The following NHEJ1 variants were observed in gnomAD, a reference collection of about 807,000 sequenced individuals.
NHEJ1 encodes the protein non-homologous end joining factor 1.
Under a neutral mutation model 39.4 loss-of-function variants are expected in NHEJ1, and 22 were observed. The observed-to-expected ratio is 0.56, with a 90% CI of 0.40 to 0.80. The LOEUF (loss-of-function observed/expected upper bound fraction) is 0.80, where lower values mean the gene tolerates loss of function less well. Ranked by LOEUF, NHEJ1 falls within the 30% of genes least tolerant of loss-of-function variation. The probability of loss-of-function intolerance (pLI) is 0.00; values close to 1 mark genes in which losing one functional copy is unlikely to be tolerated. For missense variants in NHEJ1, 329 were observed against 357.1 expected (o/e 0.92, Z 0.63); for synonymous variants, 154 against 135.6 (o/e 1.14, Z -0.94).
At chr2:219,149,383 A>T (rs1460796869) in intron 3 of NHEJ1, among the ~76,000 whole-genome samples, 2 of 152,192 alleles carry the variant, frequency 1.3e-5, no homozygotes, top group Non-Finnish European at 2.9e-5. Flanking sequence ...TGGGAGGCCA[A>T]CGTTGGAGGA....
intron 5 of NHEJ1, among the ~76,000 whole-genome samples, chr2:219,101,405 G>A (rs954086882): frequency 3.3e-5 from 5 of 151,920 alleles, no homozygotes; most frequent in Admixed American, 6.6e-5. Context: ...GTGAGCCACC[G>A]CGCCCGGCCT....
At chr2:219,119,086 G>A (rs1016268345) in intron 5 of NHEJ1, among the ~76,000 whole-genome samples, 11 of 152,142 alleles carry the variant, frequency 7.2e-5, no homozygotes, top group African/African-American at 2.7e-4. Flanking sequence ...AGTACCTGCA[G>A]TTTAAATTAG....
intron 5 of NHEJ1, among the ~76,000 whole-genome samples, chr2:219,113,246 C>T (rs1949381708): frequency 6.6e-6 from 1 of 152,004 alleles, no homozygotes; most frequent in African/African-American, 2.4e-5. Flanking sequence ...ACCAGGTCAG[C>T]AATTCAGGAA....
intron 3 of NHEJ1, among the ~76,000 whole-genome samples, chr2:219,155,362 C>T (rs558888945): frequency 2.0e-5 from 3 of 151,844 alleles, no homozygotes; most frequent in East Asian, 1.9e-4. Flanking sequence ...GTGAGGAATT[C>T]GAGACCACCC....
chr2:219,080,504 G>A (rs1475924116), intron 5 of NHEJ1, among the ~76,000 whole-genome samples: 2 of 149,914 alleles, frequency 1.3e-5, no homozygotes, highest in African/African-American at 4.9e-5. Context: ...CAGCCTGGGC[G>A]ACAGAGCAAG....
intron 5 of NHEJ1, among the ~76,000 whole-genome samples, chr2:219,124,033 AC>A (rs1949494873): frequency 6.6e-6 from 1 of 152,172 alleles, no homozygotes; most frequent in South Asian, 2.1e-4. Flanking sequence ...GTTAGCAATA[AC>A]CCTAGCAATG....
chr2:219,098,104 T>A (rs2106331368), intron 5 of NHEJ1, among the ~76,000 whole-genome samples: 3 of 152,346 alleles, frequency 2.0e-5, no homozygotes, highest in Middle Eastern at 6.8e-3. Flanking sequence ...ATTTACTGGA[T>A]TTTGCAACGA....
At chr2:219,125,877 G>A (rs1949510195) in intron 5 of NHEJ1, among the ~76,000 whole-genome samples, 1 of 152,342 alleles carries the variant, frequency 6.6e-6, no homozygotes, top group African/African-American at 2.4e-5. Flanking sequence ...CGTGGCTGAG[G>A]AATTGCTAGA....
intron 5 of NHEJ1, among the ~76,000 whole-genome samples, chr2:219,124,397 G>A (rs530917404): frequency 2.2e-4 from 33 of 152,020 alleles, no homozygotes; most frequent in East Asian, 7.7e-4. Context: ...TTTGAAATTT[G>A]CCCAAACAGG....
chr2:219,147,822 CAA>C, intron 3 of NHEJ1, 27 bp from the exon 4 acceptor site: 6 of 1,612,704 alleles, frequency 3.7e-6, no homozygotes, highest in Non-Finnish European at 5.1e-6. Context: ...ATCAATTAGC[CAA>C]AAGACTCTTA....
intron 5 of NHEJ1, among the ~76,000 whole-genome samples, chr2:219,098,122 A>G (rs183737110): frequency 6.6e-6 from 1 of 152,346 alleles, no homozygotes; most frequent in East Asian, 1.9e-4. Context: ...CGAAAAAGTC[A>G]TTAGTAACCT....
At chr2:219,088,424 T>C (rs1949131225) in intron 5 of NHEJ1, among the ~76,000 whole-genome samples, 1 of 151,776 alleles carries the variant, frequency 6.6e-6, no homozygotes, top group South Asian at 2.1e-4. Flanking sequence ...GCCCGGGAGT[T>C]CAAGGCTACA....
At chr2:219,113,782 T>C (rs1487807141) in intron 5 of NHEJ1, among the ~76,000 whole-genome samples, 1 of 152,204 alleles carries the variant, frequency 6.6e-6, no homozygotes, top group African/African-American at 2.4e-5. Context: ...ACTGCTATCA[T>C]TTCCAAGGTA....
At chr2:219,144,157 C>T (rs574548586) in intron 5 of NHEJ1, among the ~76,000 whole-genome samples, 2 of 152,130 alleles carry the variant, frequency 1.3e-5, no homozygotes, top group Non-Finnish European at 2.9e-5. Flanking sequence ...GCCGAGATCA[C>T]CCCACTGCAC....
At chr2:219,099,872 T>C (rs1156685724) in intron 5 of NHEJ1, among the ~76,000 whole-genome samples, 6 of 152,134 alleles carry the variant, frequency 3.9e-5, no homozygotes, top group African/African-American at 1.2e-4. Flanking sequence ...TTGCTGATTA[T>C]AAACTATGAA....
chr2:219,114,298 C>T (rs529130196), intron 5 of NHEJ1, among the ~76,000 whole-genome samples: 1 of 152,330 alleles, frequency 6.6e-6, no homozygotes, highest in East Asian at 1.9e-4. Context: ...CAGCAAAATG[C>T]AACCCCACAG....
intron 6 of NHEJ1, 156 bp downstream of exon 6, chr2:219,077,933 C>T: frequency 1.5e-6 from 1 of 658,010 alleles, no homozygotes; most frequent in Non-Finnish European, 2.7e-6. Context: ...TGAAATGTGG[C>T]TACTGCAAAA....
chr2:219,071,376 GGGAGGCCGTT>G lies in NHEJ1; in HGVS notation c.*4995_*5004del, dbSNP rs1948955244. Among the ~76,000 whole-genome samples, 1 of 152,192 alleles carries G rather than the reference GGGAGGCCGTT, an allele frequency of 6.6e-6. No individual in the cohort carries two copies. The highest frequency in any genetic ancestry group is 2.1e-4 in the South Asian group (1 of 4,830). On this transcript the variant is annotated 3_prime_UTR_variant, in exon 8 of 8. Transcript: ENST00000356853. Reference sequence around the variant, plus strand: ...GGGTAGGGGTTAGGCAAACAGGCCAGGGAGGCCGTTGGTTGAAATTTAACCACAATATTCT... The same window carrying G: ...GGGTAGGGGTTAGGCAAACAGGCCAGGGTTGAAATTTAACCACAATATTCT...
intron 5 of NHEJ1, among the ~76,000 whole-genome samples, chr2:219,137,593 C>CAAAA (rs1290030506): frequency 2.4e-5 from 2 of 82,180 alleles, no homozygotes; most frequent in East Asian, 6.8e-4. Context: ...AAAAAAAAAA[C>CAAAA]AAAAAAAACT....
Sources: gnomAD v4.1 joint callset for allele counts (sites outside exome capture counted in the v4.1 genomes callset) on GRCh38, gnomAD v4.1.1 for gene constraint, MANE v1.5 for transcripts, NCBI Gene and HGNC (gene_info 2026-07-23, HGNC 2026-07-21) for gene names.